The following CCSER1 variants were observed in gnomAD, a reference collection of about 807,000 sequenced individuals.
CCSER1 encodes coiled-coil serine rich protein 1.
In CCSER1, 41 loss-of-function variants were observed where a neutral mutation model predicts 82.0. That is an observed-to-expected ratio of 0.50 (90% CI 0.39 to 0.65). The LOEUF (loss-of-function observed/expected upper bound fraction) is 0.65, where lower values mean the gene tolerates loss of function less well. Ranked by LOEUF, CCSER1 falls within the 30% of genes least tolerant of loss-of-function variation. CCSER1 has a pLI of 0.00. For missense variants in CCSER1, 1,119 were observed against 1,064.2 expected (o/e 1.05, Z -0.72); for synonymous variants, 414 against 383.9 (o/e 1.08, Z -0.92).
chr4:91,428,924 T>C (rs1754139454), intron 10 of CCSER1, among the ~76,000 whole-genome samples: 1 of 152,028 alleles, frequency 6.6e-6, no homozygotes, highest in African/African-American at 2.4e-5. Flanking sequence ...TTTATATCTA[T>C]TTATATGTGC....
chr4:91,324,295 C>T (rs955500), intron 10 of CCSER1, among the ~76,000 whole-genome samples: 96,267 of 151,848 alleles, frequency 0.63, 30,815 homozygotes, highest in Middle Eastern at 0.71. Flanking sequence ...ATCAGTCTTT[C>T]GGGTCTATTT....
intron 10 of CCSER1, among the ~76,000 whole-genome samples, chr4:91,396,527 A>G (rs17018455): frequency 0.032 from 4,883 of 152,166 alleles, 245 homozygotes; most frequent in African/African-American, 0.11. Context: ...CAGTAAGCTG[A>G]TCAAATTAGG....
intron 10 of CCSER1, among the ~76,000 whole-genome samples, chr4:91,411,482 GCATATATA>G (rs1346035700): frequency 1.0e-4 from 4 of 39,440 alleles, no homozygotes; most frequent in African/African-American, 2.3e-4. Flanking sequence ...CTAAATTTCT[GCATATATA>G]CATATATATA....
intron 3 of CCSER1, among the ~76,000 whole-genome samples, chr4:90,391,444 G>GTA (rs770320334): frequency 0.17 from 6,168 of 37,090 alleles, 489 homozygotes; most frequent in Middle Eastern, 0.24. Flanking sequence ...ATATATGGGG[G>GTA]TATATATATA....
At chr4:90,493,501 G>C (rs1768427039) in intron 5 of CCSER1, among the ~76,000 whole-genome samples, 1 of 152,100 alleles carries the variant, frequency 6.6e-6, no homozygotes, top group African/African-American at 2.4e-5. Context: ...AAATGTTAAG[G>C]GCAGCCAGAG....
At chr4:90,626,166 T>C (rs1249906518) in intron 5 of CCSER1, among the ~76,000 whole-genome samples, 1 of 152,220 alleles carries the variant, frequency 6.6e-6, no homozygotes, top group Non-Finnish European at 1.5e-5. Flanking sequence ...GTATGAGTTG[T>C]ATGCGTCGAT....
At chr4:91,395,766 A>G (rs1320160823) in intron 10 of CCSER1, among the ~76,000 whole-genome samples, 1 of 152,062 alleles carries the variant, frequency 6.6e-6, no homozygotes, top group Admixed American at 6.6e-5. Context: ...GAAAGAAAAA[A>G]AAATTCCCTG....
intron 9 of CCSER1, among the ~76,000 whole-genome samples, chr4:91,007,464 T>C (rs1024882655): frequency 6.6e-6 from 1 of 152,202 alleles, no homozygotes; most frequent in African/African-American, 2.4e-5. Context: ...TCTTGTTACT[T>C]GTCATTAGTC....
intron 10 of CCSER1, among the ~76,000 whole-genome samples, chr4:91,112,217 G>A (rs994837878): frequency 6.6e-6 from 1 of 152,080 alleles, no homozygotes; most frequent in African/African-American, 2.4e-5. Flanking sequence ...GACAAGTCCA[G>A]TTTTTATTTT....
chr4:91,356,281 G>A (rs1267851039), intron 10 of CCSER1, among the ~76,000 whole-genome samples: 2 of 152,248 alleles, frequency 1.3e-5, no homozygotes, highest in African/African-American at 2.4e-5. Flanking sequence ...GGTAGCCTCA[G>A]GGCTGGGGCC....
Position 90,470,772 on chromosome 4 carries a change from AAAAAAAAAAC to A in CCSER1, c.1724+2423_1724+2432del, listed in dbSNP as rs1346277674. 1.9e-3 allele frequency among the ~76,000 whole-genome samples: 284 copies of A among 151,426 alleles called. 3 individuals are homozygous for A. The highest frequency in any genetic ancestry group is 6.5e-3 in the African/African-American group (267 of 41,226). ...TCCTTTTAATCAAAGCAAAAAAAAA[AAAAAAAAAAC>A]AAAACACCCAGATTTGAGTGTCATT... is the stretch of plus-strand genomic sequence containing the variant. On this transcript the variant is annotated intron_variant, in intron 5 of 10. Coordinates refer to ENST00000509176, the MANE Select transcript of CCSER1 (RefSeq NM_001145065.2).
chr4:91,503,198 T>C (rs1759304270), intron 10 of CCSER1, among the ~76,000 whole-genome samples: 1 of 151,570 alleles, frequency 6.6e-6, no homozygotes, highest in Non-Finnish European at 1.5e-5. Flanking sequence ...AAAAATAAGC[T>C]GGGCGTGGTG....
At chr4:90,793,937 A>G (rs1009082327) in intron 7 of CCSER1, among the ~76,000 whole-genome samples, 3 of 152,140 alleles carry the variant, frequency 2.0e-5, no homozygotes, top group African/African-American at 7.2e-5. Flanking sequence ...CTTTTTTGAT[A>G]TGATTGTTTG....
intron 5 of CCSER1, among the ~76,000 whole-genome samples, chr4:90,473,209 A>G (rs953432518): frequency 6.6e-6 from 1 of 152,192 alleles, no homozygotes; most frequent in Non-Finnish European, 1.5e-5. Flanking sequence ...TATATTTTGT[A>G]TTAATACTTT....
At chr4:91,097,014 A>C (rs553381136) in intron 10 of CCSER1, among the ~76,000 whole-genome samples, 1 of 152,174 alleles carries the variant, frequency 6.6e-6, no homozygotes, top group Non-Finnish European at 1.5e-5. Context: ...TTTCAAAGAC[A>C]TGTCTTACCA....
At chr4:90,128,525 G>C (rs1389749386) in intron 1 of CCSER1, among the ~76,000 whole-genome samples, 1 of 152,092 alleles carries the variant, frequency 6.6e-6, no homozygotes, top group Admixed American at 6.5e-5. Context: ...GTGCGCGCGC[G>C]CGCGCGCTCT....
At chr4:91,079,302 G>C (rs575290504) in intron 9 of CCSER1, among the ~76,000 whole-genome samples, 2 of 152,116 alleles carry the variant, frequency 1.3e-5, no homozygotes, top group African/African-American at 4.8e-5. Flanking sequence ...TTTCAACCAA[G>C]AATTTCATAT....
chr4:91,523,015 A>C (rs1157510638), intron 10 of CCSER1, among the ~76,000 whole-genome samples: 1 of 152,172 alleles, frequency 6.6e-6, no homozygotes, highest in Non-Finnish European at 1.5e-5. Context: ...TGGGTTTGTC[A>C]TAAATAGCTC....
rs10016696 is a variant in CCSER1, at chr4:90,128,516, T to C, written c.-42+685T>C. Among the ~76,000 whole-genome samples, 141 of 128,582 alleles carry C rather than the reference T, an allele frequency of 1.1e-3. 2 individuals are homozygous for C. The highest frequency in any genetic ancestry group is 6.4e-3 in the East Asian group (19 of 2,950). The allele number at this position is 128,582 out of a possible 152,430, so 84.4% of individuals were successfully genotyped here. A position where few individuals can be genotyped will look rare whatever the true frequency, so the allele number is the denominator to read the frequency against. ...GTGCGTGTGTGTGTGTGTGTGTGTGTGCGCGCGCGCGCGCGCTCTGGACTA... is the reference window on the plus strand; with the variant it reads ...GTGCGTGTGTGTGTGTGTGTGTGTGCGCGCGCGCGCGCGCGCTCTGGACTA... On this transcript the variant is annotated intron_variant, in intron 1 of 10. Coordinates refer to ENST00000509176, the MANE Select transcript of CCSER1 (RefSeq NM_001145065.2).
Sources: allele counts gnomAD v4.1 joint callset (sites outside exome capture counted in the v4.1 genomes callset), GRCh38; gene constraint gnomAD v4.1.1; transcripts MANE v1.5; gene names NCBI Gene and HGNC (gene_info 2026-07-23, HGNC 2026-07-21).